Variants in RABGAP1L observed in about 807,000 individuals in gnomAD.
RABGAP1L encodes the protein RAB GTPase activating protein 1 like.
In RABGAP1L, 63 loss-of-function variants were observed where a neutral mutation model predicts 137.7. The observed-to-expected ratio is 0.46, with a 90% confidence interval of 0.37 to 0.56. The LOEUF (loss-of-function observed/expected upper bound fraction) is 0.56, where lower values mean the gene tolerates loss of function less well. RABGAP1L is among the 20% of genes least tolerant of loss of function. RABGAP1L has a pLI of 0.00. For synonymous variants in RABGAP1L, 431 were observed against 433.7 expected, an observed-to-expected ratio of 0.99 and a Z score of 0.08; for missense variants, 1,095 against 1,244.0, an observed-to-expected ratio of 0.88 and a Z score of 1.80.
At chr1:174,305,221 G>A (rs963557875) in intron 11 of RABGAP1L, 94 bp downstream of exon 11, 4 of 1,281,926 alleles carry the variant, frequency 3.1e-6, no homozygotes, top group Non-Finnish European at 3.0e-6. Flanking sequence ...TAGAAGTGGT[G>A]GTTATTCCTA....
At chr1:174,786,682 T>C (rs1687469770) in intron 18 of RABGAP1L, among the ~76,000 whole-genome samples, 1 of 152,254 alleles carries the variant, frequency 6.6e-6, no homozygotes, top group South Asian at 2.1e-4. Context: ...CTTTACTATG[T>C]GTCAGTATCC....
intron 14 of RABGAP1L, among the ~76,000 whole-genome samples, chr1:174,675,401 A>G (rs1426305011): frequency 4.6e-5 from 7 of 151,890 alleles, no homozygotes; most frequent in African/African-American, 1.5e-4. Flanking sequence ...ATAGTTGTAG[A>G]TATGTGGCGT....
chr1:174,647,800 C>T (rs1259861823), intron 14 of RABGAP1L, among the ~76,000 whole-genome samples: 1 of 151,986 alleles, frequency 6.6e-6, no homozygotes, highest in Non-Finnish European at 1.5e-5. Flanking sequence ...CCTCTTTGTA[C>T]CTCTGGTAGA....
chr1:174,706,054 C>A (rs537841616), intron 17 of RABGAP1L, among the ~76,000 whole-genome samples: 3 of 152,024 alleles, frequency 2.0e-5, no homozygotes, highest in Non-Finnish European at 4.4e-5. Flanking sequence ...CTCAAAGATC[C>A]CATTGCAAAG....
At chr1:174,321,060 G>A (rs1325992074) in intron 11 of RABGAP1L, among the ~76,000 whole-genome samples, 1 of 152,082 alleles carries the variant, frequency 6.6e-6, no homozygotes, top group African/African-American at 2.4e-5. Flanking sequence ...CCTAGGGGGA[G>A]GTCTCTAAAA....
At chr1:174,472,938 GT>G (rs774403127) in intron 13 of RABGAP1L, among the ~76,000 whole-genome samples, 1 of 152,062 alleles carries the variant, frequency 6.6e-6, no homozygotes, top group Admixed American at 6.6e-5. Context: ...AGTATTAACT[GT>G]TTTTTGCACA....
chr1:174,167,997 G>A (rs1034397251), intron 1 of RABGAP1L, among the ~76,000 whole-genome samples: 3 of 152,022 alleles, frequency 2.0e-5, no homozygotes, highest in Non-Finnish European at 2.9e-5. Flanking sequence ...GGGGGTGGTG[G>A]CCCACACCTG....
intron 13 of RABGAP1L, among the ~76,000 whole-genome samples, chr1:174,636,468 C>T (rs996431358): frequency 6.7e-5 from 10 of 150,370 alleles, no homozygotes; most frequent in African/African-American, 1.5e-4. Context: ...GCGGAGGTTG[C>T]GGTGAGCCAA....
chr1:174,760,573 G>C (rs187333918), intron 18 of RABGAP1L, among the ~76,000 whole-genome samples: 41 of 152,320 alleles, frequency 2.7e-4, no homozygotes, highest in Admixed American at 6.5e-4. Context: ...GGGTACTGTT[G>C]ATGGGCATCT....
chr1:174,783,024 CTT>C (rs1041072813), intron 18 of RABGAP1L, among the ~76,000 whole-genome samples: 6 of 152,190 alleles, frequency 3.9e-5, no homozygotes, highest in African/African-American at 1.4e-4. Context: ...ACTGCACACT[CTT>C]TTGGTCCATG....
At chr1:174,870,941 G>A (rs908885856) in intron 19 of RABGAP1L, among the ~76,000 whole-genome samples, 14 of 151,846 alleles carry the variant, frequency 9.2e-5, no homozygotes, top group South Asian at 4.2e-4. Context: ...GGGTTTCACC[G>A]TGTTAGCCAG....
chr1:174,609,706 C>G (rs1381452419), intron 13 of RABGAP1L, among the ~76,000 whole-genome samples: 2 of 152,100 alleles, frequency 1.3e-5, no homozygotes, highest in African/African-American at 2.4e-5. Context: ...GATTTAAAAA[C>G]AAAATCTATT....
intron 19 of RABGAP1L, among the ~76,000 whole-genome samples, chr1:174,903,689 G>A (rs1242241902): frequency 1.3e-5 from 2 of 151,984 alleles, no homozygotes; most frequent in Non-Finnish European, 1.5e-5. Context: ...CGGTACTAAC[G>A]CCTGTAATCC....
intron 13 of RABGAP1L, among the ~76,000 whole-genome samples, chr1:174,463,723 A>G (rs1028921658): frequency 9.2e-5 from 14 of 152,002 alleles, no homozygotes; most frequent in African/African-American, 2.4e-4. Flanking sequence ...AAATAACTCA[A>G]CATCACTTAG....
Position 174,797,730 on chromosome 1 carries a change from T to C in RABGAP1L, c.2212-14102T>C, listed in dbSNP as rs940542240. 5.5e-5 allele frequency among the ~76,000 whole-genome samples: 8 copies of C among 146,432 alleles called. No homozygotes were observed. The Admixed American group carries it at 5.5e-4, about 10-fold the overall frequency. On this transcript the variant is annotated intron_variant, in intron 18 of 25. Coordinates refer to ENST00000681986, the MANE Select transcript of RABGAP1L (RefSeq NM_001366446.1). The stretch of plus-strand genomic sequence containing the variant: ...TGGGGTGTGGTGTGTGGTGTGTGGG[T>C]GTGGGTGTGTGTGTGTGTTTAGGGA...
chr1:174,342,684 C>G (rs916954408), intron 11 of RABGAP1L, among the ~76,000 whole-genome samples: 1 of 151,208 alleles, frequency 6.6e-6, no homozygotes, highest in Non-Finnish European at 1.5e-5. Flanking sequence ...TTTAAATCAA[C>G]AGATGTAAAA....
intron 13 of RABGAP1L, among the ~76,000 whole-genome samples, chr1:174,630,022 C>T (rs1673225707): frequency 6.6e-6 from 1 of 151,292 alleles, no homozygotes; most frequent in African/African-American, 2.4e-5. Context: ...ATGATATTGG[C>T]TGTGGGTTTG....
chr1:174,443,896 A>G (rs1003992129), intron 13 of RABGAP1L, among the ~76,000 whole-genome samples: 2 of 152,012 alleles, frequency 1.3e-5, no homozygotes, highest in African/African-American at 4.8e-5. Flanking sequence ...TTTTCTGCAT[A>G]TGGATATCCA....
intron 14 of RABGAP1L, among the ~76,000 whole-genome samples, chr1:174,668,625 C>A (rs1676953759): frequency 6.6e-6 from 1 of 151,746 alleles, no homozygotes; most frequent in Non-Finnish European, 1.5e-5. Flanking sequence ...GTATATATAC[C>A]CAGTAGTGGG....
Sources: gnomAD v4.1 joint callset for allele counts (sites outside exome capture counted in the v4.1 genomes callset) on GRCh38, gnomAD v4.1.1 for gene constraint, MANE v1.5 for transcripts, NCBI Gene and HGNC (gene_info 2026-07-23, HGNC 2026-07-21) for gene names.